Variants in PLAG1 observed in about 807,000 individuals in gnomAD.
PLAG1 encodes zinc finger protein PLAG1.
A neutral mutation model predicts 35.5 loss-of-function variants in PLAG1; 7 were observed. That is an observed-to-expected ratio of 0.20 (90% confidence interval 0.11 to 0.37). PLAG1 has a LOEUF of 0.37. Ranked by LOEUF, PLAG1 falls within the 10% of genes least tolerant of loss-of-function variation. The pLI is 1.00. For missense variants in PLAG1, 454 were observed against 602.8 expected, an observed-to-expected ratio of 0.75 and a Z score of 2.58; for synonymous variants, 229 against 225.4, an observed-to-expected ratio of 1.02 and a Z score of -0.14.
chr8:56,167,060 G>A lies in PLAG1; in HGVS notation c.686C>T (p.Thr229Ile). ...ATTGTGACTCTTCTTCATATGTCGA[G>A]TCAGGTGATCCTTTCGCCCAAATCT... ...AQRFGRKDHL[T>I]RHMKKSHNQE... Residue 229 changes from threonine (T) to isoleucine (I), a missense_variant, in exon 5 of 5, where the codon ACT (threonine) becomes ATT (isoleucine). Thr to Ile is a moderately conservative substitution (Grantham distance 89). Transcript: ENST00000316981. This position sits in a 1 kb window ranked among gnomAD's most constrained non-coding sequence, Gnocchi z 5.9. 6.2e-7 allele frequency: 1 copy of A among 1,614,110 alleles called. No homozygotes were observed. Among genetic ancestry groups the A allele is most frequent in the Non-Finnish European group, 8.5e-7 (1 of 1,179,980 alleles).
chr8:56,161,003 G>A lies in PLAG1; in HGVS notation c.*5240C>T, dbSNP rs1811180230. ...ACACTGTAGGCCACAAGAAGCTGCA[G>A]TACTATTATTTAATTAGCAGCAAAT... On this transcript the variant is annotated 3_prime_UTR_variant, in exon 5 of 5. Coordinates refer to ENST00000316981, the MANE Select transcript of PLAG1 (RefSeq NM_002655.3). The A allele has an allele frequency of 5.5e-6, 1 of 180,556 alleles. No homozygotes were observed. The highest frequency in any genetic ancestry group is 2.4e-5 in the African/African-American group (1 of 42,368). The allele number at this position is 180,556 out of a possible 1,614,324, so 11.2% of individuals were successfully genotyped here. A position where few individuals can be genotyped will look rare whatever the true frequency, so the allele number is the denominator to read the frequency against.
At chr8:56,207,152 A>G (rs1278997600) in intron 1 of PLAG1, among the ~76,000 whole-genome samples, 1 of 151,954 alleles carries the variant, frequency 6.6e-6, no homozygotes, top group Non-Finnish European at 1.5e-5. Context: ...AAAAATATTA[A>G]AACATTCTTA....
chr8:56,181,801 T>C (rs1273912280), intron 1 of PLAG1, among the ~76,000 whole-genome samples: 4 of 152,082 alleles, frequency 2.6e-5, no homozygotes, highest in Non-Finnish European at 5.9e-5. Flanking sequence ...GGTATCAGAG[T>C]GACAAATCAA....
chr8:56,175,308 C>T (rs1214936944), intron 2 of PLAG1, among the ~76,000 whole-genome samples: 1 of 152,180 alleles, frequency 6.6e-6, no homozygotes, highest in Non-Finnish European at 1.5e-5. Context: ...TGAAAACACG[C>T]CTGATGCCTG....
chr8:56,208,198 T>C (rs1229872463), intron 1 of PLAG1, among the ~76,000 whole-genome samples: 1 of 152,152 alleles, frequency 6.6e-6, no homozygotes, highest in African/African-American at 2.4e-5. Context: ...TCAATGTAAC[T>C]GTCTTGAGCC....
At chr8:56,206,900 G>A (rs1004821841) in intron 1 of PLAG1, among the ~76,000 whole-genome samples, 13 of 151,920 alleles carry the variant, frequency 8.6e-5, no homozygotes, top group Non-Finnish European at 4.4e-5. Flanking sequence ...TTGTTGAACA[G>A]ATTCAGTTTC....
chr8:56,168,216 G>A lies in PLAG1; in HGVS notation c.54C>T (p.Val18=). The A allele has an allele frequency of 6.2e-7, 1 of 1,613,694 alleles. No individual in the cohort carries two copies. The change falls in exon 4 of 5, where the codon GTC becomes GTT. Residue 18 remains valine (V), a synonymous_variant. Coordinates refer to ENST00000316981, the MANE Select transcript of PLAG1 (RefSeq NM_002655.3). The stretch of plus-strand genomic sequence containing the variant: ...CACCACGCTTACGTTTCCCTGAAGG[G>A]ACTTTCTGGGTATCTCTTACTTCTG... ...DLSEVRDTQK[V]PSGKRKRGET...
chr8:56,172,540 T>C (rs1354724440), intron 2 of PLAG1, among the ~76,000 whole-genome samples: 1 of 152,186 alleles, frequency 6.6e-6, no homozygotes, highest in Non-Finnish European at 1.5e-5. Context: ...TATTATGTTA[T>C]TTTAAGAATA....
chr8:56,188,173 T>C (rs1812078853), intron 1 of PLAG1, among the ~76,000 whole-genome samples: 1 of 152,164 alleles, frequency 6.6e-6, no homozygotes. Context: ...ACATAGCCTT[T>C]CAAATTAAAC....
intron 2 of PLAG1, among the ~76,000 whole-genome samples, chr8:56,171,898 G>T (rs555358747): frequency 4.1e-4 from 63 of 152,268 alleles, no homozygotes; most frequent in African/African-American, 1.5e-3. Context: ...TTTATCAGTA[G>T]TATGATCATT....
In PLAG1 at chr8:56,166,504, T is replaced by A. The variant is rs777781874; in HGVS notation, c.1242A>T (p.Pro414=). Residue 414 remains proline, a synonymous_variant, in exon 5 of 5, where the codon CCA becomes CCT. Transcript: ENST00000316981. ...TAAACAACTGAGAAAAATCCAATGC[T>A]GGTGTGTTTAGGGGGTCACTGATGG... ...SISISDPLNT[P]ALDFSQLFNF... 1 of 1,614,018 alleles carries A rather than the reference T, an allele frequency of 6.2e-7. No homozygotes were observed. Among genetic ancestry groups the A allele is most frequent in the East Asian group, 2.2e-5 (1 of 44,882 alleles).
chr8:56,199,637 G>A (rs867783489), intron 1 of PLAG1, among the ~76,000 whole-genome samples: 6 of 152,220 alleles, frequency 3.9e-5, no homozygotes, highest in Middle Eastern at 3.4e-3. Flanking sequence ...TGGAGTAACC[G>A]GCTGGCTCCA....
Position 56,166,862 on chromosome 8 carries a change from A to T in PLAG1, c.884T>A (p.Phe295Tyr). 1 of 1,614,090 alleles carries T rather than the reference A, an allele frequency of 6.2e-7. No individual in the cohort carries two copies. The highest frequency in any genetic ancestry group is 8.5e-7 in the Non-Finnish European group (1 of 1,179,984). Residue 295 changes from phenylalanine to tyrosine, a missense_variant, in exon 5 of 5, where the codon TTT becomes TAT. Physicochemically the swap from Phe to Tyr is conservative, Grantham distance 22. This residue lies in a region of PLAG1 where 271 missense variants were observed against 315.6 expected (regional missense o/e 0.86). Coordinates refer to ENST00000316981, the MANE Select transcript of PLAG1 (RefSeq NM_002655.3). ...AGATCCCGAGCTCTGCATGGACTGA[A>T]ATGGAGTGTTGTAGAGGTTTAACTG... ...TLQLNLYNTPFQSMQSSGSAH... is the reference protein window; with the variant it reads ...TLQLNLYNTPYQSMQSSGSAH...
Position 56,168,210 on chromosome 8 carries a change from T to C in PLAG1, c.60A>G (p.Ser20=), listed in dbSNP as rs1455277643. ...SEVRDTQKVP[S]GKRKRGETKP... is the part of the protein sequence containing the mutation. Reference sequence around the variant, plus strand: ...TGGTTTCACCACGCTTACGTTTCCCTGAAGGGACTTTCTGGGTATCTCTTA... The same window carrying C: ...TGGTTTCACCACGCTTACGTTTCCCCGAAGGGACTTTCTGGGTATCTCTTA... Residue 20 remains serine (S), a synonymous_variant, in exon 4 of 5, where the codon TCA becomes TCG. Coordinates refer to ENST00000316981, the MANE Select transcript of PLAG1 (RefSeq NM_002655.3). 3 of 1,613,840 alleles carry C rather than the reference T, an allele frequency of 1.9e-6. No individual in the cohort carries two copies. The highest frequency in any genetic ancestry group is 8.5e-7 in the Non-Finnish European group (1 of 1,179,818).
chr8:56,173,306 T>C (rs1488567092), intron 2 of PLAG1, among the ~76,000 whole-genome samples: 1 of 152,138 alleles, frequency 6.6e-6, no homozygotes, highest in Non-Finnish European at 1.5e-5. Flanking sequence ...TTAATTTCCC[T>C]AAATTGAACC....
At chr8:56,185,779 A>T (rs1812000293) in intron 1 of PLAG1, among the ~76,000 whole-genome samples, 1 of 152,242 alleles carries the variant, frequency 6.6e-6, no homozygotes, top group African/African-American at 2.4e-5. Flanking sequence ...AGACCTACGG[A>T]TGATAAATAG....
intron 1 of PLAG1, among the ~76,000 whole-genome samples, chr8:56,185,533 G>A (rs1453564020): frequency 6.6e-6 from 1 of 152,112 alleles, no homozygotes; most frequent in Admixed American, 6.5e-5. Context: ...GACTCAAAAT[G>A]ACTAAAATCT....
At chr8:56,186,705 T>C (rs924711544) in intron 1 of PLAG1, among the ~76,000 whole-genome samples, 2 of 150,630 alleles carry the variant, frequency 1.3e-5, no homozygotes, top group Non-Finnish European at 3.0e-5. Flanking sequence ...AAAAGTGACC[T>C]TCTTAAATTA....
chr8:56,204,844 T>C lies in PLAG1; in HGVS notation c.-322+6277A>G, dbSNP rs368888873. Among the ~76,000 whole-genome samples, 411 of 151,966 alleles carry C rather than the reference T, an allele frequency of 2.7e-3. 1 individual carries two copies. Among genetic ancestry groups the C allele is most frequent in the African/African-American group, 9.4e-3 (389 of 41,544 alleles). ...GAGTTCAAGACTCTCTAATGGCACA[T>C]CCTTCACAATCTGTAAAGGATTCTG... is the stretch of plus-strand genomic sequence containing the variant. On this transcript the variant is annotated intron_variant, in intron 1 of 4. Coordinates refer to ENST00000316981, the MANE Select transcript of PLAG1 (RefSeq NM_002655.3).
Sources: gnomAD v4.1 joint callset for allele counts (sites outside exome capture counted in the v4.1 genomes callset) on GRCh38, gnomAD v4.1.1 for gene constraint, gnomAD v4.1.1 regional missense constraint, Gnocchi (gnomAD v3.1) non-coding constraint, MANE v1.5 for transcripts, NCBI Gene and HGNC (gene_info 2026-07-23, HGNC 2026-07-21) for gene names.